Variants in PHLPP1 observed in about 807,000 individuals in gnomAD.
The protein encoded by PHLPP1 is PH domain and leucine rich repeat protein phosphatase 1.
In PHLPP1, 42 loss-of-function variants were observed where a neutral mutation model predicts 117.2. The ratio of observed to expected loss-of-function variants is 0.36; its 90% CI spans 0.28 to 0.46. PHLPP1 has a LOEUF of 0.46. PHLPP1 is among the 20% of genes least tolerant of loss of function. The pLI is 1.00. For synonymous variants in PHLPP1, 1,042 were observed against 970.7 expected (o/e 1.07, Z -1.37); for missense variants, 2,084 against 2,241.9 (o/e 0.93, Z 1.42).
chr18:62,895,462 A>T (rs945813440), intron 5 of PHLPP1, among the ~76,000 whole-genome samples: 4 of 152,230 alleles, frequency 2.6e-5, no homozygotes, highest in African/African-American at 4.8e-5. Context: ...AAGACTTAGA[A>T]ATTAATTTTA....
intron 4 of PHLPP1, among the ~76,000 whole-genome samples, chr18:62,871,644 A>ATTTTTTTTTTTTTTT (rs71160879): frequency 9.2e-6 from 1 of 108,622 alleles, no homozygotes; most frequent in Non-Finnish European, 1.9e-5. Flanking sequence ...AGCTCTGAAA[A>ATTTTTTTTTTTTTTT]TTTTTTTTTT....
chr18:62,972,478 G>T (rs1209792728), intron 14 of PHLPP1, 36 bp from the exon 15 acceptor site: 4 of 1,586,980 alleles, frequency 2.5e-6, no homozygotes, highest in Admixed American at 1.7e-5. Context: ...GCAGGAGGAT[G>T]AGTGGACTCA....
chr18:62,917,435 T>TGTGTGTGTGTGTGTG (rs1599119456), intron 9 of PHLPP1, among the ~76,000 whole-genome samples: 8 of 150,920 alleles, frequency 5.3e-5, no homozygotes, highest in Admixed American at 1.3e-4. Flanking sequence ...TGTGTGTGTG[T>TGTGTGTGTGTGTGTG]TTAACATGTG....
At chr18:62,860,680 C>G (rs1372272239) in intron 4 of PHLPP1, 79 bp downstream of exon 4, 4 of 1,199,352 alleles carry the variant, frequency 3.3e-6, no homozygotes, top group African/African-American at 3.1e-5. Context: ...CTTGAATATT[C>G]TCATGAAAAA....
chr18:62,765,839 C>CA lies in PHLPP1; in HGVS notation c.1576+48589dup, dbSNP rs543950865. ...TGAAACCCCGTCTGTACTAAAATTA[C>CA]AAAAAAAAATTAGCTGGGTGTGGTG... is the stretch of plus-strand genomic sequence containing the variant. On this transcript the variant is annotated intron_variant, in intron 1 of 16. Coordinates refer to ENST00000262719, the MANE Select transcript of PHLPP1 (RefSeq NM_194449.4). 2.5e-4 allele frequency among the ~76,000 whole-genome samples: 37 copies of CA among 149,088 alleles called. 2 individuals are homozygous for CA. The South Asian group carries it at 6.0e-3, about 24-fold the overall frequency.
chr18:62,718,658 A>G (rs557594180), intron 1 of PHLPP1, among the ~76,000 whole-genome samples: 10 of 152,356 alleles, frequency 6.6e-5, no homozygotes, highest in African/African-American at 2.2e-4. Flanking sequence ...CAGGAAATAG[A>G]TGATTTTTTA....
At chr18:62,879,156 A>G (rs1469617800) in intron 4 of PHLPP1, among the ~76,000 whole-genome samples, 1 of 152,152 alleles carries the variant, frequency 6.6e-6, no homozygotes, top group Admixed American at 6.5e-5. Context: ...ATGCAACAGT[A>G]TTAAGAGGTG....
chr18:62,979,069 A>G lies in PHLPP1; in HGVS notation c.4792A>G (p.Ser1598Gly). The G allele has an allele frequency of 1.2e-6, 2 of 1,613,842 alleles. No individual in the cohort carries two copies. Among genetic ancestry groups the G allele is most frequent in the Non-Finnish European group, 1.7e-6 (2 of 1,179,802 alleles). The change falls in exon 17 of 17, where the codon AGC (serine) becomes GGC (glycine). Residue 1598 changes from serine to glycine, a missense_variant. This residue lies in a region of PHLPP1 where 1,365 missense variants were observed against 1,605.9 expected (regional missense o/e 0.85). Transcript: ENST00000262719. ...AEASDEGIVI[S>G]ANEDEPGLPR... ...GGCCAGTGATGAGGGCATTGTCATC[A>G]GCGCCAACGAGGATGAGCCAGGTCT...
chr18:62,949,677 G>A (rs1321498412), intron 12 of PHLPP1, among the ~76,000 whole-genome samples: 1 of 152,126 alleles, frequency 6.6e-6, no homozygotes, highest in Non-Finnish European at 1.5e-5. Flanking sequence ...TTTGCTTGGA[G>A]CAGATTGTGT....
Position 62,716,606 on chromosome 18 carries a change from G to T in PHLPP1, c.923G>T (p.Gly308Val), listed in dbSNP as rs1910748203. 2.3e-6 allele frequency: 3 copies of T among 1,308,050 alleles called. No homozygotes were observed. The highest frequency in any genetic ancestry group is 2.2e-5 in the South Asian group (1 of 45,660). The allele number at this position is 1,308,050 out of a possible 1,614,324, so 81.0% of individuals were successfully genotyped here. The part of the protein sequence containing the change: ...PPADLPLPVG[G>V]PGGWSRRASP... ...GCCGACCTACCCCTGCCCGTCGGCGGCCCGGGCGGGTGGTCGCGCCGCGCC... is the reference window on the plus strand; with the variant it reads ...GCCGACCTACCCCTGCCCGTCGGCGTCCCGGGCGGGTGGTCGCGCCGCGCC... Residue 308 changes from glycine (G) to valine (V), a missense_variant, in exon 1 of 17, where the codon GGC becomes GTC. By Grantham distance (109) the Gly-to-Val change is moderately radical. This residue lies in a region of PHLPP1 where 719 missense variants were observed against 636.0 expected (regional missense o/e 1.13). Transcript: ENST00000262719. This position sits in a 1 kb window ranked among gnomAD's most constrained non-coding sequence, Gnocchi z 5.7.
intron 4 of PHLPP1, among the ~76,000 whole-genome samples, chr18:62,891,888 C>CAAAAAAAA (rs574107579): frequency 1.3e-5 from 1 of 79,124 alleles, no homozygotes; most frequent in Non-Finnish European, 2.4e-5. Flanking sequence ...GACCCTTTCT[C>CAAAAAAAA]AAAAAAAAAA....
chr18:62,861,526 G>T (rs77504770), intron 4 of PHLPP1, among the ~76,000 whole-genome samples: 9,287 of 152,222 alleles, frequency 0.061, 392 homozygotes, highest in Middle Eastern at 0.12. Flanking sequence ...TCATTCTGTG[G>T]TAAATTAAAC....
intron 9 of PHLPP1, 127 bp from the exon 10 acceptor site, chr18:62,919,832 T>C (rs1002143317): frequency 4.3e-5 from 30 of 692,474 alleles, no homozygotes; most frequent in Non-Finnish European, 6.1e-5. Flanking sequence ...AACAAATAGT[T>C]TCAAGTTTGA....
In PHLPP1 at chr18:62,746,047, A is replaced by AT. The variant is rs879347300; in HGVS notation, c.1576+28801dup. ...GTGGAGGAAGATGGAAGAAAAACTA[A>AT]TTTTTTTTTTTTTGAGACGGAGTTT... On this transcript the variant is annotated intron_variant, in intron 1 of 16. Coordinates refer to ENST00000262719, the MANE Select transcript of PHLPP1 (RefSeq NM_194449.4). Among the ~76,000 whole-genome samples, 712 of 146,670 alleles carry AT rather than the reference A, an allele frequency of 4.9e-3. 5 individuals are homozygous for AT. Among genetic ancestry groups the AT allele is most frequent in the African/African-American group, 0.014 (569 of 40,196 alleles).
intron 1 of PHLPP1, among the ~76,000 whole-genome samples, chr18:62,768,118 TA>T (rs1172263740): frequency 6.6e-6 from 1 of 152,230 alleles, no homozygotes; most frequent in Non-Finnish European, 1.5e-5. Context: ...ACACTGAATT[TA>T]ATTTATATCT....
At chr18:62,951,940 G>C (rs377375928) in intron 12 of PHLPP1, among the ~76,000 whole-genome samples, 1 of 150,068 alleles carries the variant, frequency 6.7e-6, no homozygotes. Flanking sequence ...TCAGCCTCCC[G>C]AGTAGCTGGG....
At chr18:62,808,720 T>C (rs529359419) in intron 1 of PHLPP1, among the ~76,000 whole-genome samples, 24 of 151,964 alleles carry the variant, frequency 1.6e-4, no homozygotes, top group Non-Finnish European at 2.8e-4. Flanking sequence ...CCCGGCTAAT[T>C]TTTTTATATT....
rs540980356 is a variant in PHLPP1 at position 62,853,177 on chromosome 18, A to G, written c.1900-7258A>G. On this transcript the variant is annotated intron_variant, in intron 3 of 16. Transcript: ENST00000262719. ...TTAGAGGAAATATTTTGAGGACCAA[A>G]TGAACCCTCCTTCCCTTATGTATAT... Among the ~76,000 whole-genome samples the G allele has an allele frequency of 9.2e-5, 14 of 152,276 alleles. No homozygotes were observed. The South Asian group carries it at 1.7e-3, about 18-fold the overall frequency.
Position 62,979,422 on chromosome 18 carries a change from G to T in PHLPP1, c.5145G>T (p.Thr1715=). 1 of 1,551,226 alleles carries T rather than the reference G, an allele frequency of 6.4e-7. No homozygotes were observed. The highest frequency in any genetic ancestry group is 1.2e-5 in the South Asian group (1 of 84,036). Reference sequence around the variant, plus strand: ...ACCAGCTGCCAGATTATTACGACACGCCACTATGACCCAGCCGAGCTGTTT... The same window carrying T: ...ACCAGCTGCCAGATTATTACGACACTCCACTATGACCCAGCCGAGCTGTTT... ...QLDQLPDYYD[T]PL Residue 1715 remains threonine, a synonymous_variant, in exon 17 of 17, where the codon ACG becomes ACT. Coordinates refer to ENST00000262719, the MANE Select transcript of PHLPP1 (RefSeq NM_194449.4).
Sources: allele counts gnomAD v4.1 joint callset (sites outside exome capture counted in the v4.1 genomes callset), GRCh38; gene constraint gnomAD v4.1.1; regional missense constraint gnomAD v4.1.1; non-coding constraint Gnocchi (gnomAD v3.1); transcripts MANE v1.5; gene names NCBI Gene and HGNC (gene_info 2026-07-23, HGNC 2026-07-21).